SH3BGRL2: variants seen among roughly 807,000 people sequenced by gnomAD.
SH3BGRL2 encodes the protein SH3 domain-binding glutamic acid-rich-like protein 2.
In SH3BGRL2, 21 loss-of-function variants were observed where a neutral mutation model predicts 14.8. The ratio of observed to expected loss-of-function variants is 1.42; its 90% confidence interval spans 1.01 to 2.05. The LOEUF is 2.05. Among genes scored for constraint, SH3BGRL2 ranks in the 30% most tolerant of loss-of-function variants. The pLI is 0.00. For synonymous variants in SH3BGRL2, 50 were observed against 47.8 expected (o/e 1.05, Z -0.19); for missense variants, 147 against 130.8 (o/e 1.12, Z -0.61).
the SH3BGRL2 span, among the ~76,000 whole-genome samples, chr6:79,579,332 C>G: frequency 1.3e-5 from 2 of 152,144 alleles, no homozygotes; most frequent in Middle Eastern, 6.8e-3. Context: ...AGAGCAACTC[C>G]AAGACGCATA....
the SH3BGRL2 span, among the ~76,000 whole-genome samples, chr6:79,592,307 T>C: frequency 6.6e-6 from 1 of 152,200 alleles, no homozygotes; most frequent in Non-Finnish European, 1.5e-5. Flanking sequence ...CTTGTGCCAG[T>C]CCTTGACTAG....
intron 2 of SH3BGRL2, among the ~76,000 whole-genome samples, chr6:79,680,287 C>T (rs147924549): frequency 8.0e-4 from 122 of 152,268 alleles, no homozygotes; most frequent in Non-Finnish European, 1.3e-3. Flanking sequence ...GATCTAACTT[C>T]ATTCTTTTGC....
At chr6:79,622,477 A>G in the SH3BGRL2 span, among the ~76,000 whole-genome samples, 1 of 152,208 alleles carries the variant, frequency 6.6e-6, no homozygotes, top group South Asian at 2.1e-4. Flanking sequence ...CACCTCAAAG[A>G]TTCCTTTCAA....
At chr6:79,674,023 G>A (rs1013141645) in intron 2 of SH3BGRL2, among the ~76,000 whole-genome samples, 5 of 152,120 alleles carry the variant, frequency 3.3e-5, no homozygotes, top group South Asian at 2.1e-4. Flanking sequence ...GTAAGTGCAC[G>A]TGTGTCTGTC....
chr6:79,686,472 G>A (rs1487606923), intron 2 of SH3BGRL2, among the ~76,000 whole-genome samples: 4 of 151,834 alleles, frequency 2.6e-5, no homozygotes, highest in East Asian at 3.9e-4. Context: ...AAAGGCATTC[G>A]TAACTTTTAT....
Position 79,696,512 on chromosome 6 carries a change from G to T in SH3BGRL2, c.259G>T (p.Glu87Ter). 6.3e-7 allele frequency: 1 copy of T among 1,582,636 alleles called. No individual in the cohort carries two copies. Among genetic ancestry groups the T allele is most frequent in the Admixed American group, 2.0e-5 (1 of 50,492 alleles). The part of the protein sequence containing the change: ...GDYDSFFESK[E>*]SNTVFSFLGL... ...TTATGACAGTTTTTTTGAATCCAAG[G>T]AAAGCAACACAGTCTTTTCATTTTT... The change falls in exon 3 of 4, where the codon GAA (glutamate) becomes TAA (stop). Residue 87 changes from glutamate to a stop codon, truncating the protein, a stop_gained. Coordinates refer to ENST00000369838, the MANE Select transcript of SH3BGRL2 (RefSeq NM_031469.4). LOFTEE classifies it high-confidence loss of function.
the SH3BGRL2 span, among the ~76,000 whole-genome samples, chr6:79,620,733 G>T: frequency 1.3e-5 from 2 of 151,918 alleles, no homozygotes; most frequent in Non-Finnish European, 2.9e-5. Context: ...GAAAGGGAGA[G>T]GATTGGGGGA....
At chr6:79,650,770 T>C (rs13201191) in intron 1 of SH3BGRL2, among the ~76,000 whole-genome samples, 68,750 of 151,910 alleles carry the variant, frequency 0.45, 16,493 homozygotes, top group Non-Finnish European at 0.53. Flanking sequence ...CAAATTTCAA[T>C]GTGGGATTTG....
chr6:79,600,702 CCT>C, the SH3BGRL2 span, among the ~76,000 whole-genome samples: 1 of 152,168 alleles, frequency 6.6e-6, no homozygotes, highest in Non-Finnish European at 1.5e-5. Flanking sequence ...CAAACTGATT[CCT>C]CTCATTTTCA....
the SH3BGRL2 span, among the ~76,000 whole-genome samples, chr6:79,559,901 G>T: frequency 1.3e-5 from 2 of 152,182 alleles, no homozygotes; most frequent in African/African-American, 4.8e-5. Context: ...TGAGTAATGG[G>T]TATATTGTGT....
chr6:79,626,651 G>A (rs1768731486), upstream of SH3BGRL2, among the ~76,000 whole-genome samples: 1 of 152,176 alleles, frequency 6.6e-6, no homozygotes, highest in Non-Finnish European at 1.5e-5. Context: ...ATGCCCATAG[G>A]GCTGTGCCTG....
At chr6:79,614,826 C>G in the SH3BGRL2 span, among the ~76,000 whole-genome samples, 3 of 152,052 alleles carry the variant, frequency 2.0e-5, no homozygotes, top group Non-Finnish European at 2.9e-5. Flanking sequence ...TCAGAAAGGA[C>G]TGAGACTGAA....
At chr6:79,675,467 G>A (rs1456065784) in intron 2 of SH3BGRL2, among the ~76,000 whole-genome samples, 3 of 152,078 alleles carry the variant, frequency 2.0e-5, no homozygotes, top group South Asian at 4.1e-4. Context: ...ATTGTGCTGA[G>A]TGCTCAGTAT....
Position 79,669,242 on chromosome 6 carries a change from CA to C in SH3BGRL2, c.46-4370del, listed in dbSNP as rs778692852. ...TAAATAAAATTTTAATAAATTTAGG[CA>C]ATAAAACTTCAGCAAGGTTGTTAGA... On this transcript the variant is annotated intron_variant, in intron 1 of 3. Transcript: ENST00000369838. Among the ~76,000 whole-genome samples the C allele has an allele frequency of 4.6e-5, 7 of 152,022 alleles. No homozygotes were observed. The East Asian group carries it at 9.7e-4, about 21-fold the overall frequency.
the SH3BGRL2 span, among the ~76,000 whole-genome samples, chr6:79,551,078 C>T: frequency 6.6e-6 from 1 of 152,132 alleles, no homozygotes; most frequent in Non-Finnish European, 1.5e-5. Context: ...AAGAAATATC[C>T]ACCATTTCAA....
chr6:79,631,512 C>G lies in SH3BGRL2; in HGVS notation c.45+6C>G, dbSNP rs768029357. ...CTTCCTCGGGCTTCGTGGCGGTGAG[C>G]GCGGTGGGGGCGGGCAGTAGGTTGG... On this transcript the variant is annotated splice_donor_region_variant and intron_variant, in intron 1 of 3. Coordinates refer to ENST00000369838, the MANE Select transcript of SH3BGRL2 (RefSeq NM_031469.4). 6.8e-7 allele frequency: 1 copy of G among 1,461,844 alleles called. No homozygotes were observed. Among genetic ancestry groups the G allele is most frequent in the Non-Finnish European group, 9.1e-7 (1 of 1,101,014 alleles). 90.6% of individuals were successfully genotyped at this position (1,461,844 alleles called of 1,614,324 possible). A position where few individuals can be genotyped will look rare whatever the true frequency, so the allele number is the denominator to read the frequency against.
chr6:79,638,459 A>G (rs906507572), intron 1 of SH3BGRL2, among the ~76,000 whole-genome samples: 2 of 152,138 alleles, frequency 1.3e-5, no homozygotes, highest in African/African-American at 4.8e-5. Context: ...CTTTGGATAA[A>G]TTCTCTGTAG....
the SH3BGRL2 span, among the ~76,000 whole-genome samples, chr6:79,548,782 A>G: frequency 2.0e-5 from 3 of 152,328 alleles, no homozygotes; most frequent in African/African-American, 7.2e-5. Context: ...ACAGTAATTT[A>G]TGGAAACCAC....
Position 79,699,726 on chromosome 6 carries a change from TTTGCCTGCAG to T in SH3BGRL2, c.*224_*233del. The T allele has an allele frequency of 3.6e-6, 2 of 555,956 alleles. No individual in the cohort carries two copies. Among genetic ancestry groups the T allele is most frequent in the Non-Finnish European group, 5.7e-6 (2 of 351,664 alleles). 34.4% of individuals were successfully genotyped at this position (555,956 alleles called of 1,614,324 possible). On this transcript the variant is annotated 3_prime_UTR_variant, in exon 4 of 4. Transcript: ENST00000369838. ...GGTGGATTTTTTTTTTCTTATTCTA[TTTGCCTGCAG>T]TTGCCTCACTCACCTGGAAATACCG...
Sources: allele counts gnomAD v4.1 joint callset (sites outside exome capture counted in the v4.1 genomes callset), GRCh38; gene constraint gnomAD v4.1.1; transcripts MANE v1.5; gene names NCBI Gene and HGNC (gene_info 2026-07-23, HGNC 2026-07-21).